SUPT3H: variants seen among roughly 807,000 people sequenced by gnomAD.
SUPT3H encodes the protein SPT3 homolog, SAGA and STAGA complex component.
In SUPT3H, 44 loss-of-function variants were observed where a neutral mutation model predicts 44.3. The observed-to-expected ratio is 0.99, with a 90% confidence interval of 0.78 to 1.28. The LOEUF (loss-of-function observed/expected upper bound fraction) is 1.28. Among genes scored for constraint, SUPT3H ranks in the 50% most tolerant of loss-of-function variants. The pLI, the probability that SUPT3H is intolerant of heterozygous loss-of-function variation, is 0.00. For synonymous variants in SUPT3H, 124 were observed against 125.6 expected, an observed-to-expected ratio of 0.99 and a Z score of 0.09; for missense variants, 380 against 387.1, an observed-to-expected ratio of 0.98 and a Z score of 0.15.
At chr6:44,931,707 T>C (rs181303621) in intron 10 of SUPT3H, among the ~76,000 whole-genome samples, 2 of 152,116 alleles carry the variant, frequency 1.3e-5, no homozygotes, top group Admixed American at 1.3e-4. Flanking sequence ...AGAGAATCTA[T>C]CTACATAATT....
chr6:45,099,112 G>C (rs1798191529), intron 3 of SUPT3H: 2 of 346,244 alleles, frequency 5.8e-6, no homozygotes, highest in African/African-American at 4.4e-5. Context: ...CCAGCCCCTA[G>C]TCTTCCACAC....
At chr6:44,883,966 A>G (rs944594009) in intron 10 of SUPT3H, among the ~76,000 whole-genome samples, 1 of 152,208 alleles carries the variant, frequency 6.6e-6, no homozygotes, top group Non-Finnish European at 1.5e-5. Flanking sequence ...AGACTTCATG[A>G]CTAAAACACC....
intron 2 of SUPT3H, among the ~76,000 whole-genome samples, chr6:45,275,488 A>G (rs960198633): frequency 1.3e-5 from 2 of 152,212 alleles, no homozygotes; most frequent in Non-Finnish European, 2.9e-5. Context: ...CATCTAAAGT[A>G]TCACGTCTTG....
intron 4 of SUPT3H, among the ~76,000 whole-genome samples, chr6:45,015,285 A>T (rs1784076202): frequency 6.6e-6 from 1 of 152,146 alleles, no homozygotes; most frequent in Non-Finnish European, 1.5e-5. Flanking sequence ...TGGGCTACAA[A>T]CTGGTATGCA....
chr6:45,172,929 G>T (rs1265854224), intron 2 of SUPT3H, among the ~76,000 whole-genome samples: 1 of 152,084 alleles, frequency 6.6e-6, no homozygotes, highest in Non-Finnish European at 1.5e-5. Context: ...AATTATATTG[G>T]CTATCCTTCA....
chr6:45,304,586 CT>C (rs1057507789), intron 2 of SUPT3H, among the ~76,000 whole-genome samples: 2 of 152,068 alleles, frequency 1.3e-5, no homozygotes, highest in African/African-American at 4.8e-5. Flanking sequence ...CAGAAAGTTT[CT>C]GTTAAATTTT....
chr6:44,985,520 G>A (rs929999318), intron 6 of SUPT3H, among the ~76,000 whole-genome samples: 10 of 152,068 alleles, frequency 6.6e-5, no homozygotes, highest in African/African-American at 2.4e-4. Context: ...GTCCTAAATG[G>A]TGGTTAGGTT....
chr6:44,996,448 G>C (rs944807155), intron 6 of SUPT3H, among the ~76,000 whole-genome samples: 31 of 151,692 alleles, frequency 2.0e-4, no homozygotes, highest in Admixed American at 4.6e-4. Context: ...TTTTGAAACA[G>C]ACATAATTTT....
intron 2 of SUPT3H, among the ~76,000 whole-genome samples, chr6:45,236,717 T>C (rs1314272667): frequency 6.6e-6 from 1 of 152,108 alleles, no homozygotes; most frequent in Non-Finnish European, 1.5e-5. Context: ...ATTTAGAGGC[T>C]TGGCAGTTTC....
chr6:45,091,343 C>A (rs963895764), intron 3 of SUPT3H, among the ~76,000 whole-genome samples: 5 of 151,992 alleles, frequency 3.3e-5, no homozygotes, highest in Admixed American at 6.6e-5. Context: ...AACCACTCCT[C>A]ACTAACTATT....
At chr6:44,903,228 C>T (rs530929368) in intron 10 of SUPT3H, among the ~76,000 whole-genome samples, 6 of 152,202 alleles carry the variant, frequency 3.9e-5, no homozygotes, top group Non-Finnish European at 8.8e-5. Context: ...TTCAAAAAAT[C>T]AATGAATCCA....
intron 6 of SUPT3H, among the ~76,000 whole-genome samples, chr6:44,964,843 G>A (rs1312175217): frequency 2.0e-5 from 3 of 152,184 alleles, no homozygotes; most frequent in Non-Finnish European, 2.9e-5. Context: ...ATGGCTTAGA[G>A]ATAGAAGGCA....
intron 1 of SUPT3H, among the ~76,000 whole-genome samples, chr6:45,367,300 A>T (rs549882150): frequency 1.3e-5 from 2 of 152,326 alleles, no homozygotes; most frequent in Non-Finnish European, 2.9e-5. Flanking sequence ...CTGAGCCCGA[A>T]AACCAAAATT....
At chr6:45,206,168 T>C (rs1763196397) in intron 2 of SUPT3H, among the ~76,000 whole-genome samples, 1 of 152,176 alleles carries the variant, frequency 6.6e-6, no homozygotes, top group African/African-American at 2.4e-5. Context: ...AATACATTTA[T>C]GAAGAACATG....
chr6:44,954,438 G>T, intron 8 of SUPT3H, 57 bp downstream of exon 8: 2 of 1,186,224 alleles, frequency 1.7e-6, no homozygotes, highest in Non-Finnish European at 2.5e-6. Flanking sequence ...TTGATCATGG[G>T]CAGAGATAAA....
chr6:45,212,127 C>CTGCACT (rs1442514084), intron 2 of SUPT3H, among the ~76,000 whole-genome samples: 1 of 152,050 alleles, frequency 6.6e-6, no homozygotes, highest in East Asian at 1.9e-4. Context: ...GATTGCACCA[C>CTGCACT]TGCACTCCAG....
At chr6:45,088,654 G>T (rs1173244788) in intron 3 of SUPT3H, among the ~76,000 whole-genome samples, 2 of 151,934 alleles carry the variant, frequency 1.3e-5, no homozygotes, top group African/African-American at 4.8e-5. Flanking sequence ...CATGGCTCAC[G>T]AACCCTGTGG....
chr6:45,147,870 A>T (rs1806331867), intron 2 of SUPT3H, among the ~76,000 whole-genome samples: 1 of 152,152 alleles, frequency 6.6e-6, no homozygotes. Context: ...AATGTAAGAG[A>T]AAGAAGAAAG....
intron 2 of SUPT3H, among the ~76,000 whole-genome samples, chr6:45,312,617 G>A (rs991371554): frequency 3.1e-5 from 4 of 128,470 alleles, no homozygotes; most frequent in Admixed American, 8.9e-5. Flanking sequence ...TAATACTGGA[G>A]CTCCCAAATT....
Sources: gnomAD v4.1 joint callset for allele counts (sites outside exome capture counted in the v4.1 genomes callset) on GRCh38, gnomAD v4.1.1 for gene constraint, MANE v1.5 for transcripts, NCBI Gene and HGNC (gene_info 2026-07-23, HGNC 2026-07-21) for gene names.